Variants in SYT1 observed in about 807,000 individuals in gnomAD.
SYT1 encodes the protein synaptotagmin 1.
A neutral mutation model predicts 44.8 loss-of-function variants in SYT1; 8 were observed. That is an observed-to-expected ratio of 0.18 (90% CI 0.10 to 0.32). SYT1 has a LOEUF of 0.32. Among genes scored for constraint, SYT1 ranks in the 10% least tolerant of loss-of-function variants. SYT1 has a pLI of 1.00. For synonymous variants in SYT1, 154 were observed against 188.8 expected, an observed-to-expected ratio of 0.82 and a Z score of 1.51; for missense variants, 286 against 509.3, an observed-to-expected ratio of 0.56 and a Z score of 4.22.
intron 1 of SYT1, among the ~76,000 whole-genome samples, chr12:78,871,616 T>C (rs1236431144): frequency 6.6e-6 from 1 of 151,962 alleles, no homozygotes; most frequent in Admixed American, 6.6e-5. Context: ...CTATAACAAC[T>C]CATTAAGGGA....
At chr12:79,198,399 T>C (rs915993881) in intron 3 of SYT1, among the ~76,000 whole-genome samples, 2 of 152,202 alleles carry the variant, frequency 1.3e-5, no homozygotes, top group Admixed American at 6.5e-5. Context: ...TTATTCTTCA[T>C]AGAGCAAAAT....
chr12:79,091,335 C>A (rs1443159515), intron 3 of SYT1, among the ~76,000 whole-genome samples: 3 of 151,868 alleles, frequency 2.0e-5, no homozygotes, highest in Non-Finnish European at 4.4e-5. Flanking sequence ...GCAGGGTTCC[C>A]ACAGTTAAGT....
intron 9 of SYT1, among the ~76,000 whole-genome samples, chr12:79,426,575 A>G (rs1313152047): frequency 1.3e-5 from 2 of 152,172 alleles, no homozygotes; most frequent in Admixed American, 1.3e-4. Context: ...GCAAATGATT[A>G]ACACCCCATG....
intron 8 of SYT1, among the ~76,000 whole-genome samples, chr12:79,314,917 A>G (rs1218560988): frequency 6.6e-6 from 1 of 152,206 alleles, no homozygotes. Context: ...ATGCTATAAC[A>G]CTCATGAGCC....
intron 8 of SYT1, among the ~76,000 whole-genome samples, chr12:79,327,712 A>G (rs1881666516): frequency 6.6e-6 from 1 of 152,216 alleles, no homozygotes; most frequent in Admixed American, 6.5e-5. Flanking sequence ...CAAGGACTTC[A>G]TAGGCGATGA....
intron 1 of SYT1, among the ~76,000 whole-genome samples, chr12:78,929,441 A>C (rs1400994574): frequency 6.8e-6 from 1 of 146,404 alleles, no homozygotes; most frequent in African/African-American, 2.5e-5. Context: ...AAAAAAAAAA[A>C]AAAAAGGTTA....
chr12:79,258,735 G>A (rs79928574), intron 4 of SYT1, among the ~76,000 whole-genome samples: 1 of 152,104 alleles, frequency 6.6e-6, no homozygotes, highest in African/African-American at 2.4e-5. Flanking sequence ...AGAGAGAAAA[G>A]GATGCAATCA....
chr12:79,254,383 TG>T, intron 4 of SYT1, among the ~76,000 whole-genome samples: 1 of 152,328 alleles, frequency 6.6e-6, no homozygotes, highest in East Asian at 1.9e-4. Flanking sequence ...TTAAGCCCAT[TG>T]TTGAGACCTG....
intron 9 of SYT1, among the ~76,000 whole-genome samples, chr12:79,422,380 G>T (rs1321812117): frequency 6.6e-6 from 1 of 151,648 alleles, no homozygotes; most frequent in Non-Finnish European, 1.5e-5. Context: ...TCATTTGGGA[G>T]CATTGCCTTA....
At chr12:79,436,581 G>A (rs974675471) in intron 9 of SYT1, among the ~76,000 whole-genome samples, 4 of 152,148 alleles carry the variant, frequency 2.6e-5, no homozygotes, top group African/African-American at 9.7e-5. Flanking sequence ...TACAAAAAGC[G>A]TTTAGTGGCT....
intron 9 of SYT1, among the ~76,000 whole-genome samples, chr12:79,402,663 G>T (rs373895922): frequency 6.6e-6 from 1 of 152,178 alleles, no homozygotes; most frequent in Admixed American, 6.5e-5. Flanking sequence ...CTCAAGAGCC[G>T]TTTTGATGTA....
chr12:78,961,956 AT>A (rs1204824609), intron 1 of SYT1, among the ~76,000 whole-genome samples: 1 of 152,198 alleles, frequency 6.6e-6, no homozygotes, highest in Non-Finnish European at 1.5e-5. Flanking sequence ...TATTCTTACA[AT>A]TTTTTAATGT....
intron 8 of SYT1, among the ~76,000 whole-genome samples, chr12:79,315,033 G>A (rs1881014482): frequency 6.6e-6 from 1 of 152,144 alleles, no homozygotes; most frequent in Admixed American, 6.5e-5. Context: ...TTCTTTTGGA[G>A]TGATGAAAAT....
At chr12:79,143,080 G>A (rs1302711178) in intron 3 of SYT1, among the ~76,000 whole-genome samples, 20 of 152,194 alleles carry the variant, frequency 1.3e-4, no homozygotes, top group Admixed American at 9.2e-4. Context: ...AAAAAAAGAT[G>A]GGTGATTAGG....
At chr12:78,982,378 T>C (rs1869328070) in intron 2 of SYT1, among the ~76,000 whole-genome samples, 1 of 152,178 alleles carries the variant, frequency 6.6e-6, no homozygotes, top group African/African-American at 2.4e-5. Flanking sequence ...TAAAATCCCT[T>C]TTAACTCTAG....
At chr12:79,283,046 A>G (rs1430483774) in intron 4 of SYT1, among the ~76,000 whole-genome samples, 1 of 152,152 alleles carries the variant, frequency 6.6e-6, no homozygotes, top group Non-Finnish European at 1.5e-5. Flanking sequence ...CTACACAATT[A>G]AATAAAATTT....
chr12:79,275,395 G>A (rs78310326), intron 4 of SYT1, among the ~76,000 whole-genome samples: 4,026 of 152,148 alleles, frequency 0.026, 105 homozygotes, highest in East Asian at 0.13. Context: ...CAGCCTTTCT[G>A]GAACATTTGG....
At chr12:79,409,005 A>T (rs576565915) in intron 9 of SYT1, among the ~76,000 whole-genome samples, 1 of 152,134 alleles carries the variant, frequency 6.6e-6, no homozygotes, top group African/African-American at 2.4e-5. Context: ...CAAATTTCTC[A>T]TCGGGCCAGC....
chr12:78,964,166 A>G (rs1261636683), intron 1 of SYT1: 1 of 152,176 alleles, frequency 6.6e-6, no homozygotes, highest in African/African-American at 2.4e-5. Context: ...TCCCAAAAAT[A>G]TATGTAGGAT....
Sources: gnomAD v4.1 joint callset for allele counts (sites outside exome capture counted in the v4.1 genomes callset) on GRCh38, gnomAD v4.1.1 for gene constraint, MANE v1.5 for transcripts, NCBI Gene and HGNC (gene_info 2026-07-23, HGNC 2026-07-21) for gene names.